Variants in ZFHX3 observed in about 807,000 individuals in gnomAD.
ZFHX3 encodes zinc finger homeobox 3, also known as zinc finger homeobox protein 3.
ZFHX3 carries 42 observed loss-of-function variants against 279.1 expected under a neutral mutation model. The ratio of observed to expected loss-of-function variants is 0.15; its 90% CI spans 0.12 to 0.19. The LOEUF is 0.19. Among genes scored for constraint, ZFHX3 ranks in the 10% least tolerant of loss-of-function variants. The pLI is 1.00. For synonymous variants in ZFHX3, 2,293 were observed against 1,957.8 expected (o/e 1.17, Z -4.52); for missense variants, 4,981 against 4,754.0 (o/e 1.05, Z -1.40).
chr16:73,857,087 T>C (rs1567431893), intron 1 of ZFHX3, among the ~76,000 whole-genome samples: 1 of 152,188 alleles, frequency 6.6e-6, no homozygotes, highest in Non-Finnish European at 1.5e-5. Flanking sequence ...GTAGTCAATA[T>C]TGATTATCTG....
chr16:72,907,880 C>T (rs1201946412), intron 3 of ZFHX3, among the ~76,000 whole-genome samples: 3 of 151,914 alleles, frequency 2.0e-5, no homozygotes, highest in Non-Finnish European at 4.4e-5. Flanking sequence ...GATGGGGTCT[C>T]ATCATCTTGA....
chr16:73,368,055 G>A (rs113762946), intron 3 of ZFHX3, among the ~76,000 whole-genome samples: 11,373 of 151,944 alleles, frequency 0.075, 1,411 homozygotes, highest in African/African-American at 0.26. Flanking sequence ...ATTTTCAGTA[G>A]AGTCAGGGTT....
intron 3 of ZFHX3, among the ~76,000 whole-genome samples, chr16:73,413,471 G>A (rs531542953): frequency 5.2e-4 from 79 of 152,306 alleles, no homozygotes; most frequent in African/African-American, 1.7e-3. Context: ...GCAGGCCTGC[G>A]TGTGGACAGA....
chr16:73,039,340 C>G (rs143546599), intron 1 of ZFHX3, among the ~76,000 whole-genome samples: 6 of 152,304 alleles, frequency 3.9e-5, no homozygotes, highest in African/African-American at 7.2e-5. Flanking sequence ...GAATCACATA[C>G]GCAGAGGCTG....
chr16:73,573,269 G>C (rs749496625), intron 2 of ZFHX3, among the ~76,000 whole-genome samples: 1 of 152,040 alleles, frequency 6.6e-6, no homozygotes, highest in Non-Finnish European at 1.5e-5. Context: ...ACCCTCCCCA[G>C]TGTGAACCTC....
intron 1 of ZFHX3, among the ~76,000 whole-genome samples, chr16:73,028,872 C>A (rs868544356): frequency 6.6e-6 from 1 of 152,322 alleles, no homozygotes; most frequent in African/African-American, 2.4e-5. Context: ...TTTTCGGCAA[C>A]AACAACAGAA....
intron 4 of ZFHX3, among the ~76,000 whole-genome samples, chr16:73,305,550 T>C (rs555343943): frequency 9.2e-5 from 14 of 151,972 alleles, no homozygotes; most frequent in African/African-American, 3.4e-4. Flanking sequence ...AACTCACATG[T>C]CTTTGCTGAT....
At chr16:73,031,797 C>G (rs528613184) in intron 1 of ZFHX3, among the ~76,000 whole-genome samples, 9 of 152,048 alleles carry the variant, frequency 5.9e-5, no homozygotes, top group Non-Finnish European at 1.2e-4. Flanking sequence ...GAAAAGAAGG[C>G]CCACTGTGAC....
rs187910630 is a variant in ZFHX3, at chr16:73,820,129, G to A, written c.-1608+71522C>T. Reference sequence around the variant, plus strand: ...TTTTGAGACAGAGTCTTGCTCTGTCGCCCAGGCTGGAGTGCAGTGGCACAA... The same window carrying A: ...TTTTGAGACAGAGTCTTGCTCTGTCACCCAGGCTGGAGTGCAGTGGCACAA... On this transcript the variant is annotated intron_variant, in intron 1 of 17. Coordinates refer to the ZFHX3 transcript ENST00000641206. Among the ~76,000 whole-genome samples, 565 of 152,050 alleles carry A rather than the reference G, an allele frequency of 3.7e-3. 14 individuals carry two copies. Among genetic ancestry groups the A allele is most frequent in the Admixed American group, 0.033 (497 of 15,282 alleles).
At chr16:73,727,001 T>C (rs1255761570) in intron 1 of ZFHX3, among the ~76,000 whole-genome samples, 2 of 152,162 alleles carry the variant, frequency 1.3e-5, no homozygotes, top group East Asian at 1.9e-4. Context: ...TCATTCCCTA[T>C]TGAGAAGCTC....
At chr16:72,854,032 T>A (rs184137997) in intron 4 of ZFHX3, among the ~76,000 whole-genome samples, 1 of 152,250 alleles carries the variant, frequency 6.6e-6, no homozygotes, top group Non-Finnish European at 1.5e-5. Context: ...AAATAGTGTA[T>A]GCAGCAGGGA....
At chr16:73,656,745 A>T (rs2052724898) in intron 2 of ZFHX3, among the ~76,000 whole-genome samples, 1 of 152,214 alleles carries the variant, frequency 6.6e-6, no homozygotes, top group African/African-American at 2.4e-5. Context: ...TTATATTCAA[A>T]TTTAAACAAG....
rs1044965805 is a variant in ZFHX3 at position 73,348,657 on chromosome 16, A to G, written c.-1290-30321T>C. On this transcript the variant is annotated intron_variant, in intron 3 of 17. Transcript: ENST00000641206. ...TTCTGCACACGGTGCAATTAGCCAC[A>G]CAAGCCCAATTGGCACAAGCAACAC... is the stretch of plus-strand genomic sequence containing the variant. 2.6e-5 allele frequency among the ~76,000 whole-genome samples: 4 copies of G among 152,348 alleles called. No individual in the cohort carries two copies. The Middle Eastern group carries it at 0.01, about 389-fold the overall frequency.
intron 1 of ZFHX3, among the ~76,000 whole-genome samples, chr16:73,684,650 G>C (rs1408696022): frequency 6.6e-6 from 1 of 151,268 alleles, no homozygotes; most frequent in Non-Finnish European, 1.5e-5. Context: ...AAAATAAAGA[G>C]ATTATCCCAG....
At chr16:73,650,289 C>G (rs2052658206) in intron 2 of ZFHX3, among the ~76,000 whole-genome samples, 1 of 151,738 alleles carries the variant, frequency 6.6e-6, no homozygotes, top group East Asian at 1.9e-4. Flanking sequence ...GCAGAAGAAG[C>G]CCAAAGATGG....
intron 2 of ZFHX3, chr16:73,483,385 G>T: frequency 2.2e-6 from 1 of 455,320 alleles, no homozygotes; most frequent in Non-Finnish European, 4.4e-6. Context: ...CAAGAGAGCC[G>T]GGAGCCAGGG....
intron 2 of ZFHX3, among the ~76,000 whole-genome samples, chr16:73,469,868 A>G (rs929765801): frequency 2.6e-5 from 4 of 152,138 alleles, no homozygotes; most frequent in African/African-American, 9.7e-5. Context: ...CACCCGCCTC[A>G]GCCTCCCAAA....
At chr16:73,645,361 A>G (rs2052609068) in intron 2 of ZFHX3, among the ~76,000 whole-genome samples, 1 of 152,064 alleles carries the variant, frequency 6.6e-6, no homozygotes, top group African/African-American at 2.4e-5. Flanking sequence ...GGTTCATGCC[A>G]TTCTCCTGCC....
At chr16:72,899,042 T>A (rs2038969073) in intron 3 of ZFHX3, among the ~76,000 whole-genome samples, 1 of 152,176 alleles carries the variant, frequency 6.6e-6, no homozygotes, top group African/African-American at 2.4e-5. Flanking sequence ...GCTTCCAGAA[T>A]CTGACAATCA....
Sources: gnomAD v4.1 joint callset for allele counts (sites outside exome capture counted in the v4.1 genomes callset) on GRCh38, gnomAD v4.1.1 for gene constraint, MANE v1.5 for transcripts, NCBI Gene and HGNC (gene_info 2026-07-23, HGNC 2026-07-21) for gene names.